GAK: variants seen among roughly 807,000 people sequenced by gnomAD.
The protein encoded by GAK is cyclin G associated kinase.
A neutral mutation model predicts 143.9 loss-of-function variants in GAK; 79 were observed. That is an observed-to-expected ratio of 0.55 (90% CI 0.46 to 0.66). The LOEUF (loss-of-function observed/expected upper bound fraction) is 0.66. Ranked by LOEUF, GAK falls within the 30% of genes least tolerant of loss-of-function variation. GAK has a pLI of 0.00. For synonymous variants in GAK, 881 were observed against 765.5 expected, an observed-to-expected ratio of 1.15 and a Z score of -2.49; for missense variants, 1,693 against 1,779.7, an observed-to-expected ratio of 0.95 and a Z score of 0.88.
chr4:849,820 G>T (rs766811698), intron 27 of GAK, 46 bp from the exon 28 acceptor site: 2 of 1,516,122 alleles, frequency 1.3e-6, no homozygotes, highest in South Asian at 1.2e-5. Context: ...GCATGCGGGG[G>T]CGGGCGGGGC....
intron 5 of GAK, among the ~76,000 whole-genome samples, chr4:904,173 C>T (rs1043211538): frequency 4.7e-5 from 7 of 150,454 alleles, no homozygotes; most frequent in Non-Finnish European, 7.4e-5. Flanking sequence ...CCGAGTGGGA[C>T]CCGCACACAG....
intron 18 of GAK, among the ~76,000 whole-genome samples, chr4:871,397 C>A (rs1257211644): frequency 1.3e-5 from 2 of 152,236 alleles, no homozygotes; most frequent in East Asian, 1.9e-4. Flanking sequence ...CAGCTCAGAG[C>A]ACGCACTCTG....
rs1263541705 is a variant in GAK, at chr4:868,681, C to T, written c.2253G>A (p.Lys751=). Residue 751 remains lysine (K), a synonymous_variant, in exon 20 of 28, where the codon AAG becomes AAA. Transcript: ENST00000314167. The stretch of plus-strand genomic sequence containing the variant: ...AGCCAGGCTGCCGGGGAAGCTCCGG[C>T]TTCCCTGCAGGAGAGGGAGGGCGTC... ...EQQDILSKFG[K]PELPRQPGST... The T allele has an allele frequency of 3.9e-6, 6 of 1,550,062 alleles. No individual in the cohort carries two copies. Among genetic ancestry groups the T allele is most frequent in the Non-Finnish European group, 5.2e-6 (6 of 1,147,312 alleles).
chr4:890,471 C>A (rs549970395), intron 10 of GAK, 61 bp downstream of exon 10: 9 of 1,298,140 alleles, frequency 6.9e-6, no homozygotes, highest in Non-Finnish European at 9.7e-6. Context: ...CAATGTGCTG[C>A]GGGTGCCCGG....
At chr4:874,266 T>C (rs1042259272) in intron 18 of GAK, among the ~76,000 whole-genome samples, 1 of 152,184 alleles carries the variant, frequency 6.6e-6, no homozygotes, top group Non-Finnish European at 1.5e-5. Flanking sequence ...CACAGGACGT[T>C]AGTATTGGTG....
chr4:899,764 TCCTAGAGAGGACG>T (rs1719512075), intron 5 of GAK, among the ~76,000 whole-genome samples: 1 of 152,168 alleles, frequency 6.6e-6, no homozygotes, highest in Non-Finnish European at 1.5e-5. Context: ...CAGACCCCAG[TCCTAGAGAGGACG>T]CCTGCTCCGC....
chr4:912,344 G>C (rs866715021), intron 3 of GAK: 3 of 364,762 alleles, frequency 8.2e-6, no homozygotes, highest in East Asian at 1.4e-4. Context: ...CGAGAGGGGC[G>C]GCTGAGAAGC....
rs1163558864 is a variant in GAK, at chr4:884,041, A to G, written c.1251T>C (p.Ile417=). Residue 417 remains isoleucine, a synonymous_variant, in exon 12 of 28, where the codon ATT becomes ATC. Transcript: ENST00000314167. ...DLDISYITSR[I]AVMSFPAEGV... is the part of the protein sequence containing the mutation. ...AGCCTCATGTGGCACGCATACCTGC[A>G]ATTCTGGATGTGATGTAAGATATGT... is the stretch of plus-strand genomic sequence containing the variant. 1.2e-6 allele frequency: 2 copies of G among 1,613,756 alleles called. No homozygotes were observed. Among genetic ancestry groups the G allele is most frequent in the African/African-American group, 1.3e-5 (1 of 75,060 alleles).
intron 23 of GAK, among the ~76,000 whole-genome samples, chr4:864,412 T>C (rs1007808031): frequency 3.9e-5 from 6 of 152,174 alleles, no homozygotes; most frequent in African/African-American, 1.4e-4. Flanking sequence ...TTAACTCTTA[T>C]GCTTACTGGG....
chr4:875,293 C>G (rs189256273), intron 18 of GAK, among the ~76,000 whole-genome samples: 1 of 151,984 alleles, frequency 6.6e-6, no homozygotes, highest in African/African-American at 2.4e-5. Flanking sequence ...ATTAAAGTTG[C>G]GAATATGTGA....
chr4:921,472 G>A (rs967096694), intron 1 of GAK, among the ~76,000 whole-genome samples: 2 of 152,308 alleles, frequency 1.3e-5, no homozygotes, highest in Admixed American at 1.3e-4. Context: ...TGAGCTTCAT[G>A]TAAATGCCAG....
chr4:902,236 A>T (rs1466768737), intron 5 of GAK, among the ~76,000 whole-genome samples: 1 of 137,424 alleles, frequency 7.3e-6, no homozygotes, highest in African/African-American at 2.7e-5. Context: ...GACTCCGCCT[A>T]AAAAAAAAAA....
In GAK at chr4:868,209, C is replaced by T. The variant is rs900441336; in HGVS notation, c.2395+330G>A. On this transcript the variant is annotated intron_variant, in intron 20 of 27. Coordinates refer to ENST00000314167, the MANE Select transcript of GAK (RefSeq NM_005255.4). ...CCCAGGTGGTGACAGTCTGTCCCTC[C>T]GCCCAGGCCCTTCCCCTGTACCCAG... Among the ~76,000 whole-genome samples, 7 of 152,248 alleles carry T rather than the reference C, an allele frequency of 4.6e-5. No individual in the cohort carries two copies. In the East Asian group the frequency reaches 1.2e-3, roughly 25 times the overall value.
chr4:899,574 C>G (rs1719469319), intron 5 of GAK, among the ~76,000 whole-genome samples: 1 of 149,692 alleles, frequency 6.7e-6, no homozygotes, highest in Non-Finnish European at 1.5e-5. Flanking sequence ...AGCCCAAGTT[C>G]TGATAAGCCA....
rs140729096 is a variant in GAK, at chr4:883,324, G to C, written c.1395C>G (p.Phe465Leu). The C allele has an allele frequency of 6.8e-6, 11 of 1,613,230 alleles. No individual in the cohort carries two copies. The African/African-American group carries it at 1.5e-4, about 22-fold the overall frequency. Reference protein sequence around the residue: ...LSPRTYRPSRFHNRVSECGWA... With the variant: ...LSPRTYRPSRLHNRVSECGWA... ...GCCTGTGGCCACACACCCGGTTGTG[G>C]AACCTGGAGGGCCGGTAGGTCCTCG... is the stretch of plus-strand genomic sequence containing the variant. The change falls in exon 13 of 28, where the codon TTC becomes TTG. Residue 465 changes from phenylalanine to leucine, a missense_variant. Physicochemically the swap from Phe to Leu is conservative, Grantham distance 22. Coordinates refer to ENST00000314167, the MANE Select transcript of GAK (RefSeq NM_005255.4).
At chr4:896,634 A>G (rs1162653149) in intron 6 of GAK, 85 bp from the exon 7 acceptor site, 2 of 1,052,536 alleles carry the variant, frequency 1.9e-6, no homozygotes, top group African/African-American at 3.1e-5. Context: ...GCAGCTTTCC[A>G]AATGCACAGC....
intron 11 of GAK, chr4:884,307 C>T (rs907388482): frequency 1.3e-5 from 7 of 545,068 alleles, no homozygotes; most frequent in African/African-American, 9.7e-5. Flanking sequence ...GAAATGACAG[C>T]CTGCAGCTGG....
At chr4:893,113 G>A (rs747428635) in intron 9 of GAK, among the ~76,000 whole-genome samples, 6 of 151,772 alleles carry the variant, frequency 4.0e-5, no homozygotes, top group Non-Finnish European at 7.4e-5. Flanking sequence ...TAGGAAACTT[G>A]GGGTTCAGGT....
At chr4:922,317 C>A (rs1724039919) in intron 1 of GAK, among the ~76,000 whole-genome samples, 1 of 151,954 alleles carries the variant, frequency 6.6e-6, no homozygotes. Flanking sequence ...GAGTTTGAGA[C>A]CAACCTGGGA....
Sources: gnomAD v4.1 joint callset for allele counts (sites outside exome capture counted in the v4.1 genomes callset) on GRCh38, gnomAD v4.1.1 for gene constraint, MANE v1.5 for transcripts, NCBI Gene and HGNC (gene_info 2026-07-23, HGNC 2026-07-21) for gene names.